The following ESRRB variants were observed in gnomAD, a reference collection of about 807,000 sequenced individuals.
ESRRB encodes estrogen related receptor beta.
In ESRRB, 16 loss-of-function variants were observed where a neutral mutation model predicts 46.0. That is an observed-to-expected ratio of 0.35 (90% CI 0.24 to 0.53). ESRRB has a LOEUF of 0.53. Ranked by LOEUF, ESRRB falls within the 20% of genes least tolerant of loss-of-function variation. ESRRB has a pLI of 0.93. For missense variants in ESRRB, 488 were observed against 607.4 expected, an observed-to-expected ratio of 0.80 and a Z score of 2.07; for synonymous variants, 246 against 259.6, an observed-to-expected ratio of 0.95 and a Z score of 0.50.
chr14:76,400,781 C>T (rs57259741), intron 1 of ESRRB, among the ~76,000 whole-genome samples: 15,479 of 152,238 alleles, frequency 0.1, 2,047 homozygotes, highest in African/African-American at 0.3. Flanking sequence ...ATCCGCCATC[C>T]TCCAACGGGC....
intron 6 of ESRRB, among the ~76,000 whole-genome samples, chr14:76,497,220 T>C (rs1370765040): frequency 6.6e-6 from 1 of 152,002 alleles, no homozygotes; most frequent in East Asian, 1.9e-4. Flanking sequence ...ACTGCCTTGG[T>C]AGCAGGGAGC....
rs192530712 is a variant in ESRRB at position 76,410,618 on chromosome 14, C to T, written c.51-28723C>T. On this transcript the variant is annotated intron_variant, in intron 1 of 6. Coordinates refer to ENST00000644823, the MANE Select transcript of ESRRB (RefSeq NM_001379180.1). ...GTGCCCACTGGTGAAGGGCCAGGATCCAAATTGTGAATGATCTGGTGGTCT... is the reference window on the plus strand; with the variant it reads ...GTGCCCACTGGTGAAGGGCCAGGATTCAAATTGTGAATGATCTGGTGGTCT... Among the ~76,000 whole-genome samples the T allele has an allele frequency of 9.0e-4, 137 of 152,252 alleles. No homozygotes were observed. The Middle Eastern group carries it at 0.01, about 11-fold the overall frequency.
At chr14:76,492,081 C>G (rs1289039744) in intron 6 of ESRRB, among the ~76,000 whole-genome samples, 1 of 152,252 alleles carries the variant, frequency 6.6e-6, no homozygotes, top group Admixed American at 6.5e-5. Flanking sequence ...ACAGTCCCTA[C>G]TCTACAAGGC....
chr14:76,489,334 A>T (rs1022596321), intron 5 of ESRRB, among the ~76,000 whole-genome samples: 2 of 151,738 alleles, frequency 1.3e-5, no homozygotes, highest in African/African-American at 4.8e-5. Flanking sequence ...CTACTCAAAG[A>T]CCTGATAAGG....
At chr14:76,330,104 G>A (rs1158336590) in intron 1 of ESRRB, among the ~76,000 whole-genome samples, 1 of 152,082 alleles carries the variant, frequency 6.6e-6, no homozygotes, top group African/African-American at 2.4e-5. Context: ...CGGCCAGCAG[G>A]GAGCCCTCCC....
Position 76,499,120 on chromosome 14 carries a change from G to A in ESRRB, c.*662G>A, listed in dbSNP as rs1034851039. On this transcript the variant is annotated 3_prime_UTR_variant, in exon 7 of 7. Coordinates refer to ENST00000644823, the MANE Select transcript of ESRRB (RefSeq NM_001379180.1). Reference sequence around the variant, plus strand: ...CCCCCTGCCTGTCACCCACCGCGCCGGTGTCCACCTGTCCTCCTCCTCTTC... The same window carrying A: ...CCCCCTGCCTGTCACCCACCGCGCCAGTGTCCACCTGTCCTCCTCCTCTTC... 1.0e-4 allele frequency: 34 copies of A among 329,242 alleles called. No individual in the cohort carries two copies. The highest frequency in any genetic ancestry group is 1.5e-4 in the Non-Finnish European group (26 of 168,228). The allele number at this position is 329,242 out of a possible 1,614,324, so 20.4% of individuals were successfully genotyped here. A position where few individuals can be genotyped will look rare whatever the true frequency, so the allele number is the denominator to read the frequency against.
intron 1 of ESRRB, among the ~76,000 whole-genome samples, chr14:76,386,337 C>A (rs1443161642): frequency 6.6e-6 from 1 of 152,096 alleles, no homozygotes; most frequent in Non-Finnish European, 1.5e-5. Flanking sequence ...TTAAATCTGG[C>A]AACCCTATCT....
Position 76,500,586 on chromosome 14 carries a change from T to A in ESRRB, c.*2128T>A. ...CTCAGTCTCTCACTGTGCTGTGTCCTTGCAGCGGGGCCGAGGTAGCACCCT... is the reference window on the plus strand; with the variant it reads ...CTCAGTCTCTCACTGTGCTGTGTCCATGCAGCGGGGCCGAGGTAGCACCCT... On this transcript the variant is annotated 3_prime_UTR_variant, in exon 7 of 7. Transcript: ENST00000644823. 9.2e-7 allele frequency: 1 copy of A among 1,089,970 alleles called. No individual in the cohort carries two copies. The highest frequency in any genetic ancestry group is 1.2e-5 in the South Asian group (1 of 80,106). 67.5% of individuals were successfully genotyped at this position (1,089,970 alleles called of 1,614,324 possible).
intron 2 of ESRRB, among the ~76,000 whole-genome samples, chr14:76,441,092 A>C (rs1002737758): frequency 1.6e-4 from 24 of 152,116 alleles, no homozygotes; most frequent in African/African-American, 5.8e-4. Context: ...CCCAGGCTGG[A>C]GTGCAGTGGC....
chr14:76,488,160 C>T (rs78357719), intron 5 of ESRRB, among the ~76,000 whole-genome samples: 8,371 of 152,180 alleles, frequency 0.055, 329 homozygotes, highest in East Asian at 0.17. Flanking sequence ...TTTGCAAATA[C>T]TAGAAAAGAT....
At chr14:76,480,450 C>G (rs546795311) in intron 3 of ESRRB, among the ~76,000 whole-genome samples, 1 of 152,278 alleles carries the variant, frequency 6.6e-6, no homozygotes, top group South Asian at 2.1e-4. Context: ...GAGTTTTCTC[C>G]ACTCATTCAG....
At chr14:76,333,111 A>T (rs367889997) in intron 1 of ESRRB, among the ~76,000 whole-genome samples, 180 of 10,578 alleles carry the variant, frequency 0.017, 60 homozygotes, top group Non-Finnish European at 0.023. Context: ...TATAATATAT[A>T]ATATATAATA....
chr14:76,369,199 A>G (rs1055725564), upstream of ESRRB, among the ~76,000 whole-genome samples: 5 of 151,678 alleles, frequency 3.3e-5, no homozygotes, highest in African/African-American at 1.2e-4. Flanking sequence ...AAGAAAAAAA[A>G]AAAAGCTGTC....
chr14:76,444,821 TAA>T (rs1460812531), intron 2 of ESRRB, among the ~76,000 whole-genome samples: 1 of 152,090 alleles, frequency 6.6e-6, no homozygotes, highest in Non-Finnish European at 1.5e-5. Context: ...ACAGAGGGCT[TAA>T]GTCATGGAAT....
chr14:76,413,735 TAAATG>T (rs1220715724), intron 1 of ESRRB, among the ~76,000 whole-genome samples: 1 of 152,096 alleles, frequency 6.6e-6, no homozygotes, highest in Non-Finnish European at 1.5e-5. Context: ...AGATGTGTAG[TAAATG>T]AAATAAGTAA....
At chr14:76,363,264 A>G (rs568670685) in intron 1 of ESRRB, among the ~76,000 whole-genome samples, 1 of 152,278 alleles carries the variant, frequency 6.6e-6, no homozygotes, top group Admixed American at 6.5e-5. Flanking sequence ...AATTTATTTT[A>G]CCTCCAAAGG....
chr14:76,480,633 G>A (rs916349849), intron 3 of ESRRB, among the ~76,000 whole-genome samples: 1 of 152,168 alleles, frequency 6.6e-6, no homozygotes, highest in Non-Finnish European at 1.5e-5. Flanking sequence ...CCCCTTGCCT[G>A]TTCTGGAGAA....
chr14:76,377,622 T>TTTCTCCA (rs1347613137), intron 1 of ESRRB, among the ~76,000 whole-genome samples: 1 of 152,140 alleles, frequency 6.6e-6, no homozygotes, highest in East Asian at 1.9e-4. Flanking sequence ...CAAGTCAGCG[T>TTTCTCCA]TTCTCCAGTT....
exon 1 of ESRRB, chr14:76,310,786 G>A (rs1295618430): frequency 2.3e-6 from 1 of 437,462 alleles, no homozygotes; most frequent in Non-Finnish European, 4.5e-6. Context: ...TAGTCACAAA[G>A]AGACACAGAC....
Sources: allele counts gnomAD v4.1 joint callset (sites outside exome capture counted in the v4.1 genomes callset), GRCh38; gene constraint gnomAD v4.1.1; transcripts MANE v1.5; gene names NCBI Gene and HGNC (gene_info 2026-07-23, HGNC 2026-07-21).